NYAP2: variants seen among roughly 807,000 people sequenced by gnomAD.
The protein encoded by NYAP2 is neuronal tyrosine-phosphorylated phosphoinositide-3-kinase adaptor 2.
Under a neutral mutation model 50.4 loss-of-function variants are expected in NYAP2, and 23 were observed. The ratio of observed to expected loss-of-function variants is 0.46; its 90% CI spans 0.33 to 0.65. The LOEUF (loss-of-function observed/expected upper bound fraction) is 0.65, where lower values mean the gene tolerates loss of function less well. NYAP2 is among the 30% of genes least tolerant of loss of function. The pLI, the probability that NYAP2 is intolerant of heterozygous loss-of-function variation, is 0.02. For missense variants in NYAP2, 885 were observed against 861.0 expected (o/e 1.03, Z -0.35); for synonymous variants, 394 against 365.2 (o/e 1.08, Z -0.90).
intron 5 of NYAP2, among the ~76,000 whole-genome samples, chr2:225,624,860 C>T (rs1365002830): frequency 6.6e-6 from 1 of 151,316 alleles, no homozygotes; most frequent in African/African-American, 2.4e-5. Flanking sequence ...TGAGGTTCCC[C>T]AAGAGGTGAC....
At chr2:225,590,787 CA>C (rs1412996236) in intron 5 of NYAP2, among the ~76,000 whole-genome samples, 2 of 152,164 alleles carry the variant, frequency 1.3e-5, no homozygotes, top group Admixed American at 1.3e-4. Flanking sequence ...AACGTAGATT[CA>C]AAAGAGATAA....
chr2:225,446,246 C>CTCTCTCTCTCTCTCTATATA (rs1239402824), intron 3 of NYAP2, among the ~76,000 whole-genome samples: 1 of 82,280 alleles, frequency 1.2e-5, no homozygotes, highest in African/African-American at 5.9e-5. Flanking sequence ...CTCTCTCTCT[C>CTCTCTCTCTCTCTCTATATA]TATATATATA....
At chr2:225,509,055 G>A (rs11688542) in intron 3 of NYAP2, among the ~76,000 whole-genome samples, 44,801 of 151,964 alleles carry the variant, frequency 0.29, 6,838 homozygotes, top group South Asian at 0.48. Context: ...CCTCATCACC[G>A]CAGTTTGTAT....
chr2:225,446,389 C>G (rs1216466922), intron 3 of NYAP2, among the ~76,000 whole-genome samples: 1 of 151,252 alleles, frequency 6.6e-6, no homozygotes, highest in African/African-American at 2.4e-5. Context: ...ACAAAAAATA[C>G]TCTCCAGGGT....
At chr2:225,599,237 C>A (rs1692657464) in intron 5 of NYAP2, among the ~76,000 whole-genome samples, 1 of 152,120 alleles carries the variant, frequency 6.6e-6, no homozygotes, top group African/African-American at 2.4e-5. Flanking sequence ...TTAACAGGAA[C>A]CACTAGGTCT....
At chr2:225,647,180 T>C (rs1373578196) in intron 6 of NYAP2, among the ~76,000 whole-genome samples, 1 of 152,198 alleles carries the variant, frequency 6.6e-6, no homozygotes, top group Non-Finnish European at 1.5e-5. Context: ...TCTCATTCCA[T>C]GTGACCAAAT....
chr2:225,525,856 C>G (rs963003089), intron 4 of NYAP2, among the ~76,000 whole-genome samples: 2 of 152,134 alleles, frequency 1.3e-5, no homozygotes, highest in African/African-American at 4.8e-5. Flanking sequence ...CAAGATTCCC[C>G]CACTCCCTGC....
chr2:225,633,763 C>T (rs983553365), intron 6 of NYAP2, among the ~76,000 whole-genome samples: 2 of 152,212 alleles, frequency 1.3e-5, no homozygotes, highest in Non-Finnish European at 2.9e-5. Context: ...GAAATGCTCA[C>T]CCAGGGTTCC....
At chr2:225,669,556 A>G in the NYAP2 span, among the ~76,000 whole-genome samples, 1 of 151,564 alleles carries the variant, frequency 6.6e-6, no homozygotes, top group African/African-American at 2.4e-5. Context: ...ATTTAGTGAG[A>G]AAAAAAAGGA....
chr2:225,527,640 A>G (rs1370010027), intron 4 of NYAP2, among the ~76,000 whole-genome samples: 1 of 152,074 alleles, frequency 6.6e-6, no homozygotes, highest in Non-Finnish European at 1.5e-5. Context: ...ACCCAGAACA[A>G]TCTACTTTAT....
the NYAP2 span, among the ~76,000 whole-genome samples, chr2:225,679,745 G>A: frequency 1.3e-5 from 2 of 151,784 alleles, no homozygotes; most frequent in African/African-American, 4.8e-5. Flanking sequence ...TGCCTGCCTC[G>A]GCCTCCCAAA....
intron 3 of NYAP2, among the ~76,000 whole-genome samples, chr2:225,438,438 G>C (rs1689416432): frequency 6.6e-6 from 1 of 152,214 alleles, no homozygotes; most frequent in Admixed American, 6.5e-5. Flanking sequence ...TATGGTGACA[G>C]GGTCATCCAC....
At chr2:225,580,272 T>C (rs932822225) in intron 4 of NYAP2, among the ~76,000 whole-genome samples, 2 of 152,194 alleles carry the variant, frequency 1.3e-5, no homozygotes, top group Non-Finnish European at 1.5e-5. Flanking sequence ...TCTGATGACT[T>C]ACTAAAATTA....
At chr2:225,472,632 A>T (rs903443846) in intron 3 of NYAP2, among the ~76,000 whole-genome samples, 4 of 152,204 alleles carry the variant, frequency 2.6e-5, no homozygotes, top group African/African-American at 9.6e-5. Context: ...CTGTGTAAAA[A>T]TCATAGGAAG....
chr2:225,646,287 C>T (rs1002177338), intron 6 of NYAP2, among the ~76,000 whole-genome samples: 1 of 152,184 alleles, frequency 6.6e-6, no homozygotes, highest in African/African-American at 2.4e-5. Context: ...CACGGTGGCT[C>T]ATGCCTGCAA....
chr2:225,467,930 C>T (rs1263060495), intron 3 of NYAP2, among the ~76,000 whole-genome samples: 1 of 152,058 alleles, frequency 6.6e-6, no homozygotes, highest in African/African-American at 2.4e-5. Flanking sequence ...GAAAAAAAAG[C>T]AGACATAGTG....
chr2:225,683,213 A>G, the NYAP2 span, among the ~76,000 whole-genome samples: 2 of 152,130 alleles, frequency 1.3e-5, no homozygotes, highest in Non-Finnish European at 2.9e-5. Context: ...GCACTTTACT[A>G]TTCTATTTCT....
intron 6 of NYAP2, among the ~76,000 whole-genome samples, chr2:225,644,734 C>G (rs1437119173): frequency 5.4e-5 from 8 of 147,242 alleles, no homozygotes; most frequent in African/African-American, 2.0e-4. Context: ...TCAGGTTTGT[C>G]AAAGATCAGA....
downstream of NYAP2, among the ~76,000 whole-genome samples, chr2:225,656,305 C>T (rs1693824369): frequency 6.6e-6 from 1 of 152,192 alleles, no homozygotes; most frequent in South Asian, 2.1e-4. Flanking sequence ...CCACCCAGGA[C>T]AAAACTTGCC....
Sources: gnomAD v4.1 joint callset for allele counts (sites outside exome capture counted in the v4.1 genomes callset) on GRCh38, gnomAD v4.1.1 for gene constraint, MANE v1.5 for transcripts, NCBI Gene and HGNC (gene_info 2026-07-23, HGNC 2026-07-21) for gene names.